The following MUC6 variants were observed in gnomAD, a reference collection of about 807,000 sequenced individuals.
The protein encoded by MUC6 is mucin 6, oligomeric mucus/gel-forming (gene/pseudogene), also known as mucin-6.
A neutral mutation model predicts 201.5 loss-of-function variants in MUC6; 188 were observed. That is an observed-to-expected ratio of 0.93 (90% confidence interval 0.83 to 1.05). The LOEUF (loss-of-function observed/expected upper bound fraction) is 1.05, where lower values mean the gene tolerates loss of function less well. Among genes scored for constraint, MUC6 ranks in the 50% least tolerant of loss-of-function variants. The pLI is 0.00. For missense variants in MUC6, 2,706 were observed against 3,256.9 expected (o/e 0.83, Z 4.12); for synonymous variants, 1,228 against 1,389.4 (o/e 0.88, Z 2.58).
intron 2 of MUC6, among the ~76,000 whole-genome samples, chr11:1,032,657 T>C (rs1857134985): frequency 6.6e-6 from 1 of 151,120 alleles, no homozygotes; most frequent in East Asian, 1.9e-4. Flanking sequence ...GGGATGTGTG[T>C]GCATGGGTGT....
At chr11:1,019,072 C>G (rs533454374) in intron 30 of MUC6, among the ~76,000 whole-genome samples, 1 of 152,334 alleles carries the variant, frequency 6.6e-6, no homozygotes, top group Non-Finnish European at 1.5e-5. Flanking sequence ...CCCCACCCTC[C>G]TGCACCTCTG....
chr11:1,015,462 G>C (rs1210167332), intron 31 of MUC6, among the ~76,000 whole-genome samples: 1 of 152,216 alleles, frequency 6.6e-6, no homozygotes, highest in Admixed American at 6.5e-5. Context: ...ACACTCTGAG[G>C]GGAGGCCAGG....
At position 1,033,067 on chromosome 11, in the gene MUC6, T is replaced by C. The variant is rs1857146986; in HGVS notation, c.61A>G (p.Asn21Asp). ...AGGCCTGGGCTGGTGTAGGAGGTGT[T>C]AGCCAGACCTGTGTGGACGGGACCC... Reference protein sequence around the residue: ...CGALLSAGLANTSYTSPGLQR... With the variant: ...CGALLSAGLADTSYTSPGLQR... The change falls in exon 2 of 33, where the codon AAC becomes GAC. Residue 21 changes from asparagine to aspartate, a missense_variant. Asn to Asp is a conservative substitution (Grantham distance 23, BLOSUM62 1). Around this residue, in one of 10 missense-constraint regions of MUC6, gnomAD observed 1,850 missense variants for 1,958.3 expected, o/e 0.94. Coordinates refer to ENST00000421673, the MANE Select transcript of MUC6 (RefSeq NM_005961.3). The surrounding 1 kb of genome is among the most constrained non-coding windows in gnomAD (Gnocchi z 5.6). The C allele has an allele frequency of 6.2e-7, 1 of 1,612,994 alleles. No homozygotes were observed. Among genetic ancestry groups the C allele is most frequent in the African/African-American group, 1.3e-5 (1 of 74,992 alleles).
intron 32 of MUC6, 29 bp downstream of exon 32, chr11:1,013,870 T>TG (rs1344179994): frequency 1.9e-6 from 3 of 1,581,032 alleles, no homozygotes; most frequent in Admixed American, 1.8e-5. Flanking sequence ...TTGGTGGACG[T>TG]GGGGCAGGCC....
In MUC6 at chr11:1,027,809, C is replaced by T. The variant is rs759312435; in HGVS notation, c.1857G>A (p.Val619=). The change falls in exon 16 of 33, where the codon GTG becomes GTA. Residue 619 remains valine (V), a synonymous_variant. Transcript: ENST00000421673. ...VNPAPFYKRC[V]YQACNYEETF... is the part of the protein sequence containing the mutation. ...TCTCCTCGTAGTTGCAGGCCTGGTA[C>T]ACGCACCTCTGCGGGCAGAGAGCCA... The T allele has an allele frequency of 2.5e-6, 4 of 1,610,486 alleles. No individual in the cohort carries two copies. The highest frequency in any genetic ancestry group is 1.3e-5 in the African/African-American group (1 of 74,934).
rs1374248232 is a variant in MUC6, at chr11:1,029,674, CCCTGGCTCCAGGGAGACGCCCCCTCCAG to C, written c.1016-87_1016-60del. 1,963 of 1,511,074 alleles carry C rather than the reference CCCTGGCTCCAGGGAGACGCCCCCTCCAG, an allele frequency of 1.3e-3. 40 individuals are homozygous for C. The African/African-American group carries it at 0.023, about 18-fold the overall frequency. The allele number at this position is 1,511,074 out of a possible 1,614,324, so 93.6% of individuals were successfully genotyped here. A position where few individuals can be genotyped will look rare whatever the true frequency, so the allele number is the denominator to read the frequency against. On this transcript the variant is annotated intron_variant, in intron 8 of 32. Coordinates refer to ENST00000421673, the MANE Select transcript of MUC6 (RefSeq NM_005961.3). Reference sequence around the variant, plus strand: ...GACTGACTGCCTCCCACTCTCCCCTCCCTGGCTCCAGGGAGACGCCCCCTCCAGCCTGGCTCCAGGGAGACGCCCCCTC... The same window carrying C: ...GACTGACTGCCTCCCACTCTCCCCTCCCTGGCTCCAGGGAGACGCCCCCTC...
chr11:1,024,828 C>T lies in MUC6; in HGVS notation c.3225+16G>A, dbSNP rs372940893. ...TGTGGAGGGGCAGGCGCACAGCCCT[C>T]GTGCCCGGTGCCCACCTTGCTGTGG... is the stretch of plus-strand genomic sequence containing the variant. On this transcript the variant is annotated intron_variant, in intron 24 of 32. Coordinates refer to ENST00000421673, the MANE Select transcript of MUC6 (RefSeq NM_005961.3). 2.4e-5 allele frequency: 39 copies of T among 1,604,268 alleles called. No individual in the cohort carries two copies. The highest frequency in any genetic ancestry group is 1.7e-4 in the African/African-American group (13 of 74,800).
intron 1 of MUC6, among the ~76,000 whole-genome samples, chr11:1,036,119 G>A (rs1232647138): frequency 6.6e-6 from 1 of 152,008 alleles, no homozygotes; most frequent in Non-Finnish European, 1.5e-5. Context: ...TTCCCCCCAC[G>A]GCGGCCACAC....
chr11:1,019,400 G>A lies in MUC6; in HGVS notation c.3905C>T (p.Thr1302Ile). ...CGCCGTGGCCCTGGTTGTGGCCTGGGTCACTGTGGGTTTTGTGGCTGTCGA... is the reference window on the plus strand; with the variant it reads ...CGCCGTGGCCCTGGTTGTGGCCTGGATCACTGTGGGTTTTGTGGCTGTCGA... ...LRSTATKPTV[T>I]QATTRATAST... is the part of the protein sequence containing the mutation. Residue 1302 changes from threonine (T) to isoleucine (I), a missense_variant, in exon 30 of 33, where the codon ACC (threonine) becomes ATC (isoleucine). Transcript: ENST00000421673. 1 of 1,613,812 alleles carries A rather than the reference G, an allele frequency of 6.2e-7. No homozygotes were observed. The highest frequency in any genetic ancestry group is 8.5e-7 in the Non-Finnish European group (1 of 1,179,738).
chr11:1,018,790 T>G lies in MUC6; in HGVS notation c.4031-20A>C. 6.5e-7 allele frequency: 1 copy of G among 1,542,310 alleles called. No homozygotes were observed. Among genetic ancestry groups the G allele is most frequent in the Non-Finnish European group, 8.7e-7 (1 of 1,149,502 alleles). On this transcript the variant is annotated intron_variant, in intron 30 of 32. Coordinates refer to ENST00000421673, the MANE Select transcript of MUC6 (RefSeq NM_005961.3). ...ATTTTGCTGTGGGAATTGGTGAAGTTGTCATCGTTATTGTTTTTGTTTCTC... is the reference window on the plus strand; with the variant it reads ...ATTTTGCTGTGGGAATTGGTGAAGTGGTCATCGTTATTGTTTTTGTTTCTC...
rs1009467957 is a variant in MUC6, at chr11:1,019,285, G to A, written c.4020C>T (p.Ser1340=). The change falls in exon 30 of 33, where the codon AGC becomes AGT. Residue 1340 remains serine, a synonymous_variant. Transcript: ENST00000421673. ...GGCGCCATGACTTACGCAGCGTGGG[G>A]CTTGTCCCTGATGTGGCTGGGGTTG... The part of the protein sequence containing the change: ...TLPTPATSGT[S]PTLPKSTNQE... 1.4e-5 allele frequency: 23 copies of A among 1,614,036 alleles called. No homozygotes were observed. The highest frequency in any genetic ancestry group is 1.6e-5 in the Non-Finnish European group (19 of 1,179,884).
chr11:1,030,423 C>T, intron 7 of MUC6, 88 bp from the exon 8 acceptor site: 1 of 1,447,156 alleles, frequency 6.9e-7, no homozygotes. Context: ...CTTAGCCCAG[C>T]CCTTCCTCCA....
chr11:1,016,306 G>C lies in MUC6; in HGVS notation c.6495C>G (p.Phe2165Leu). ...TTGTGGAGTGCACGGGGGCGGACAC[G>C]AAAGAGGAAGATGTGCCAACAGAAG... is the stretch of plus-strand genomic sequence containing the variant. Reference protein sequence around the residue: ...SSPSVGTSSSFVSAPVHSTTL... With the variant: ...SSPSVGTSSSLVSAPVHSTTL... The change falls in exon 31 of 33, where the codon TTC becomes TTG. Residue 2165 changes from phenylalanine (F) to leucine (L), a missense_variant. Physicochemically the swap from Phe to Leu is conservative, Grantham distance 22 (BLOSUM62 0). Around this residue, in one of 10 missense-constraint regions of MUC6, gnomAD observed 586 missense variants for 488.0 expected, o/e 1.20. Coordinates refer to ENST00000421673, the MANE Select transcript of MUC6 (RefSeq NM_005961.3). 6.2e-7 allele frequency: 1 copy of C among 1,611,536 alleles called. No homozygotes were observed. The highest frequency in any genetic ancestry group is 8.5e-7 in the Non-Finnish European group (1 of 1,178,982).
At chr11:1,019,757 G>A (rs757623253) in intron 29 of MUC6, 3 of 615,460 alleles carry the variant, frequency 4.9e-6, no homozygotes, top group Non-Finnish European at 5.7e-6. Context: ...ACGGACTGTC[G>A]TCCTGTCCCC....
chr11:1,036,664 G>C lies in MUC6; in HGVS notation c.-9C>G, dbSNP rs891459231. The stretch of plus-strand genomic sequence containing the variant: ...AGCCACCGCTGGACCATGGTGCACA[G>C]TGGAGAGGAGCTCGCGCTGGGCCCG... On this transcript the variant is annotated 5_prime_UTR_variant, in exon 1 of 33. Transcript: ENST00000421673. 4 of 1,546,266 alleles carry C rather than the reference G, an allele frequency of 2.6e-6. No homozygotes were observed. In the South Asian group the frequency reaches 4.8e-5, roughly 18 times the overall value.
chr11:1,028,184 C>T (rs749006832), intron 14 of MUC6, 42 bp downstream of exon 14: 36 of 1,541,174 alleles, frequency 2.3e-5, no homozygotes, highest in African/African-American at 6.8e-5. Context: ...GAACTGTGGG[C>T]GCTGGGGGGG....
Position 1,029,484 on chromosome 11 carries a change from G to A in MUC6, c.1136+11C>T, listed in dbSNP as rs770033645. Reference sequence around the variant, plus strand: ...CCGGCCGGCCAGAGCCCCCTCCGGCGCCTCACTCACCAGGTTTGGCAGGCA... The same window carrying A: ...CCGGCCGGCCAGAGCCCCCTCCGGCACCTCACTCACCAGGTTTGGCAGGCA... On this transcript the variant is annotated intron_variant, in intron 9 of 32. Transcript: ENST00000421673. The A allele has an allele frequency of 1.6e-5, 25 of 1,611,258 alleles. No homozygotes were observed. In the Admixed American group the frequency reaches 1.8e-4, roughly 12 times the overall value.
intron 19 of MUC6, 144 bp from the exon 20 acceptor site, chr11:1,026,622 G>T: frequency 9.0e-7 from 1 of 1,108,018 alleles, no homozygotes; most frequent in Non-Finnish European, 1.2e-6. Context: ...GTGGGCAGCT[G>T]GGCTTACTGC....
chr11:1,029,806 C>T (rs1564843768), intron 8 of MUC6, among the ~76,000 whole-genome samples, 191 bp from the exon 9 acceptor site: 1 of 152,170 alleles, frequency 6.6e-6, no homozygotes, highest in African/African-American at 2.4e-5. Context: ...GACCTCTCTC[C>T]AGCTGCACTT....
Sources: allele counts gnomAD v4.1 joint callset (sites outside exome capture counted in the v4.1 genomes callset), GRCh38; gene constraint gnomAD v4.1.1; regional missense constraint gnomAD v4.1.1; non-coding constraint Gnocchi (gnomAD v3.1); transcripts MANE v1.5; gene names NCBI Gene and HGNC (gene_info 2026-07-23, HGNC 2026-07-21).